The following PRDM2 variants were observed in gnomAD, a reference collection of about 807,000 sequenced individuals.
The protein encoded by PRDM2 is PR/SET domain 2.
PRDM2 carries 30 observed loss-of-function variants against 130.0 expected under a neutral mutation model. That is an observed-to-expected ratio of 0.23 (90% CI 0.17 to 0.31). The LOEUF (loss-of-function observed/expected upper bound fraction) is 0.31. Ranked by LOEUF, PRDM2 falls within the 10% of genes least tolerant of loss-of-function variation. The pLI is 1.00. For synonymous variants in PRDM2, 871 were observed against 782.4 expected (o/e 1.11, Z -1.89); for missense variants, 2,011 against 2,108.4 (o/e 0.95, Z 0.90).
chr1:13,762,912 T>C (rs1258272368), intron 6 of PRDM2, among the ~76,000 whole-genome samples: 3 of 152,164 alleles, frequency 2.0e-5, no homozygotes, highest in Non-Finnish European at 4.4e-5. Flanking sequence ...GTTGAGATCC[T>C]CCACAGCAGT....
At chr1:13,749,814 G>C (rs1275813485) in intron 6 of PRDM2, among the ~76,000 whole-genome samples, 1 of 152,080 alleles carries the variant, frequency 6.6e-6, no homozygotes, top group Non-Finnish European at 1.5e-5. Flanking sequence ...GCGTTCCGGG[G>C]CCGGACGTTC....
At chr1:13,703,246 G>T (rs1642118360) in intron 1 of PRDM2, among the ~76,000 whole-genome samples, 2 of 152,222 alleles carry the variant, frequency 1.3e-5, no homozygotes, top group South Asian at 4.1e-4. Flanking sequence ...AGAATTCTCT[G>T]TTGTGGAGGA....
chr1:13,721,284 C>T (rs1345839318), intron 2 of PRDM2, among the ~76,000 whole-genome samples: 1 of 152,128 alleles, frequency 6.6e-6, no homozygotes, highest in Middle Eastern at 3.2e-3. Flanking sequence ...GTTAGCGAAA[C>T]CCTGGGATGG....
At chr1:13,759,526 C>G (rs1644045612) in intron 6 of PRDM2, among the ~76,000 whole-genome samples, 1 of 152,136 alleles carries the variant, frequency 6.6e-6, no homozygotes, top group Non-Finnish European at 1.5e-5. Flanking sequence ...TCAGAGCCTG[C>G]TTCTCTGGAA....
At chr1:13,774,382 C>T (rs1246088304) in intron 7 of PRDM2, among the ~76,000 whole-genome samples, 2 of 152,172 alleles carry the variant, frequency 1.3e-5, no homozygotes, top group Non-Finnish European at 1.5e-5. Flanking sequence ...AGGAAAATAA[C>T]CAGAATATTT....
chr1:13,816,395 T>C (rs370549270), intron 8 of PRDM2, 32 bp from the exon 9 acceptor site: 13 of 1,612,964 alleles, frequency 8.1e-6, no homozygotes, highest in Non-Finnish European at 1.1e-5. Context: ...TGGGCTCCTG[T>C]GACAATGTGT....
chr1:13,772,885 A>G (rs866491160), intron 6 of PRDM2, among the ~76,000 whole-genome samples, 193 bp from the exon 7 acceptor site: 1 of 152,190 alleles, frequency 6.6e-6, no homozygotes, highest in Non-Finnish European at 1.5e-5. Flanking sequence ...TAATTTACCT[A>G]TATAACAGAG....
intron 8 of PRDM2, among the ~76,000 whole-genome samples, chr1:13,807,911 G>A (rs1645109800): frequency 6.6e-6 from 1 of 152,162 alleles, no homozygotes; most frequent in Non-Finnish European, 1.5e-5. Context: ...AGGTGTTTGA[G>A]GTCTGCCCTC....
At chr1:13,748,332 G>A (rs1050436022) in intron 5 of PRDM2, among the ~76,000 whole-genome samples, 1 of 152,140 alleles carries the variant, frequency 6.6e-6, no homozygotes, top group East Asian at 1.9e-4. Flanking sequence ...TTACTGTGAT[G>A]ATTGCCAAAT....
chr1:13,720,309 C>T (rs896203117), intron 2 of PRDM2, among the ~76,000 whole-genome samples: 11 of 152,144 alleles, frequency 7.2e-5, no homozygotes, highest in African/African-American at 2.4e-4. Flanking sequence ...AGCAGAGTTA[C>T]CTTGCTGATT....
intron 6 of PRDM2, among the ~76,000 whole-genome samples, chr1:13,766,915 A>G (rs1008085908): frequency 6.6e-6 from 1 of 152,232 alleles, no homozygotes; most frequent in Non-Finnish European, 1.5e-5. Context: ...CTGCCTGAAC[A>G]TTTTAAGGTG....
chr1:13,752,833 G>C (rs921287019), intron 6 of PRDM2, among the ~76,000 whole-genome samples: 1 of 152,178 alleles, frequency 6.6e-6, no homozygotes, highest in African/African-American at 2.4e-5. Context: ...CTGAGATGAA[G>C]TTTCCCTAGC....
At position 13,749,285 on chromosome 1, in the gene PRDM2, G is replaced by A. The variant is rs530360396; in HGVS notation, c.385-76G>A. 996 of 1,250,058 alleles carry A rather than the reference G, an allele frequency of 8.0e-4. 7 individuals are homozygous for A. The African/African-American group carries it at 0.015, about 19-fold the overall frequency. The allele number at this position is 1,250,058 out of a possible 1,614,324, so 77.4% of individuals were successfully genotyped here. On this transcript the variant is annotated intron_variant, in intron 5 of 9. Transcript: ENST00000311066. ...TGCCATCGGCGCCGCTCCCGCCCGC[G>A]TCCCGGTGCGCGCCCCGCCCCCGCC...
chr1:13,804,438 A>T (rs1306897552), intron 8 of PRDM2, among the ~76,000 whole-genome samples: 1 of 152,104 alleles, frequency 6.6e-6, no homozygotes, highest in Non-Finnish European at 1.5e-5. Context: ...GCAGCCTAGC[A>T]TGCTGCCCAC....
chr1:13,753,266 T>C (rs1272346232), intron 6 of PRDM2, among the ~76,000 whole-genome samples: 1 of 152,230 alleles, frequency 6.6e-6, no homozygotes, highest in Non-Finnish European at 1.5e-5. Flanking sequence ...GAAAGTTTAT[T>C]ACAAAATCGG....
intron 2 of PRDM2, among the ~76,000 whole-genome samples, chr1:13,726,214 G>T (rs1426817166): frequency 1.3e-5 from 2 of 152,192 alleles, no homozygotes; most frequent in Non-Finnish European, 2.9e-5. Context: ...ATTAAATGAG[G>T]TAATGCATGT....
chr1:13,717,043 G>A (rs1268067692), intron 2 of PRDM2, among the ~76,000 whole-genome samples: 1 of 152,058 alleles, frequency 6.6e-6, no homozygotes, highest in Admixed American at 6.6e-5. Context: ...TGAGAGATGT[G>A]AAATTTTTGG....
At chr1:13,795,550 A>T (rs1644910061) in intron 8 of PRDM2, among the ~76,000 whole-genome samples, 1 of 152,226 alleles carries the variant, frequency 6.6e-6, no homozygotes. Flanking sequence ...GCCTTTAAGC[A>T]GCAAAGAATG....
intron 6 of PRDM2, among the ~76,000 whole-genome samples, chr1:13,750,446 T>G (rs868803091): frequency 6.6e-6 from 1 of 152,094 alleles, no homozygotes; most frequent in African/African-American, 2.4e-5. Context: ...TTTTTAGTCA[T>G]CTGAACGAAC....
Sources: gnomAD v4.1 joint callset for allele counts (sites outside exome capture counted in the v4.1 genomes callset) on GRCh38, gnomAD v4.1.1 for gene constraint, MANE v1.5 for transcripts, NCBI Gene and HGNC (gene_info 2026-07-23, HGNC 2026-07-21) for gene names.